The following CDHR5 variants were observed in gnomAD, a reference collection of about 807,000 sequenced individuals.
CDHR5 encodes cadherin related family member 5, also known as cadherin-related family member 5.
A neutral mutation model predicts 69.5 loss-of-function variants in CDHR5; 82 were observed. That is an observed-to-expected ratio of 1.18 (90% CI 0.99 to 1.42). CDHR5 has a LOEUF of 1.42. Ranked by LOEUF, CDHR5 falls within the 40% of genes most tolerant of loss-of-function variation. The pLI is 0.00. For synonymous variants in CDHR5, 601 were observed against 510.2 expected (o/e 1.18, Z -2.40); for missense variants, 1,293 against 1,168.9 (o/e 1.11, Z -1.55).
Position 624,359 on chromosome 11 carries a change from A to G in CDHR5, c.262-96T>C, listed in dbSNP as rs1388418729. ...GCGCTGGCCCAGGGTCCCCATCATC[A>G]GTGGTCAGTGCTGAGGGTGTGGGCC... is the stretch of plus-strand genomic sequence containing the variant. On this transcript the variant is annotated intron_variant, in intron 2 of 14. Transcript: ENST00000397542. The surrounding 1 kb of genome is among the most constrained non-coding windows in gnomAD (Gnocchi z 5.3). 1 of 734,046 alleles carries G rather than the reference A, an allele frequency of 1.4e-6. No homozygotes were observed. The highest frequency in any genetic ancestry group is 2.0e-5 in the Admixed American group (1 of 50,362). 45.5% of individuals were successfully genotyped at this position (734,046 alleles called of 1,614,324 possible). A position where few individuals can be genotyped will look rare whatever the true frequency, so the allele number is the denominator to read the frequency against.
chr11:619,459 TG>T lies in CDHR5; in HGVS notation c.1293+14del. 1 of 1,608,614 alleles carries T rather than the reference TG, an allele frequency of 6.2e-7. No homozygotes were observed. Among genetic ancestry groups the T allele is most frequent in the Non-Finnish European group, 8.5e-7 (1 of 1,175,122 alleles). Reference sequence around the variant, plus strand: ...CCCCACACCCTTGGAGATGCCCGCCTGCCCTGCCCCGCACCTCTGCGTAGAA... The same window carrying T: ...CCCCACACCCTTGGAGATGCCCGCCTCCCTGCCCCGCACCTCTGCGTAGAA... On this transcript the variant is annotated intron_variant, in intron 11 of 14. Transcript: ENST00000397542.
chr11:623,948 A>C (rs958864411), intron 3 of CDHR5, among the ~76,000 whole-genome samples: 7 of 151,834 alleles, frequency 4.6e-5, no homozygotes, highest in Non-Finnish European at 7.4e-5. Context: ...TGGCAGGATA[A>C]AGGTGCCTCC....
At position 617,505 on chromosome 11, in the gene CDHR5, T is replaced by G; in HGVS notation, c.2384A>C (p.Glu795Ala). The G allele has an allele frequency of 6.2e-7, 1 of 1,612,696 alleles. No individual in the cohort carries two copies. Among genetic ancestry groups the G allele is most frequent in the Non-Finnish European group, 8.5e-7 (1 of 1,179,840 alleles). The change falls in exon 15 of 15, where the codon GAG becomes GCG. Residue 795 changes from glutamate (E) to alanine (A), a missense_variant. By Grantham distance (107) the Glu-to-Ala change is moderately radical. Coordinates refer to ENST00000397542, the MANE Select transcript of CDHR5 (RefSeq NM_021924.5). ...EGGYKAVWFG[E>A]DIGTEADVVV... ...CACGTCTGCCTCCGTCCCGATGTCC[T>G]CGCCAAACCAGACAGCCTTGTACCC... is the stretch of plus-strand genomic sequence containing the variant.
At position 624,335 on chromosome 11, in the gene CDHR5, C is replaced by G. The variant is rs751121021; in HGVS notation, c.262-72G>C. 1 of 730,500 alleles carries G rather than the reference C, an allele frequency of 1.4e-6. No homozygotes were observed. The highest frequency in any genetic ancestry group is 1.7e-5 in the African/African-American group (1 of 57,822). The allele number at this position is 730,500 out of a possible 1,614,324, so 45.3% of individuals were successfully genotyped here. A position where few individuals can be genotyped will look rare whatever the true frequency, so the allele number is the denominator to read the frequency against. ...GGGAGACTGAGGCCAAGTGGGCAGG[C>G]GCTGGCCCAGGGTCCCCATCATCAG... On this transcript the variant is annotated intron_variant, in intron 2 of 14. Coordinates refer to ENST00000397542, the MANE Select transcript of CDHR5 (RefSeq NM_021924.5). This position sits in a 1 kb window ranked among gnomAD's most constrained non-coding sequence, Gnocchi z 5.3.
rs1857028792 is a variant in CDHR5 at position 617,658 on chromosome 11, G to A, written c.2231C>T (p.Pro744Leu). 6.6e-6 allele frequency: 10 copies of A among 1,523,354 alleles called. No homozygotes were observed. Among genetic ancestry groups the A allele is most frequent in the African/African-American group, 1.4e-5 (1 of 72,024 alleles). The allele number at this position is 1,523,354 out of a possible 1,614,324, so 94.4% of individuals were successfully genotyped here. ...AGGGCCGGGGGGTGCGGGCTCTGCG[G>A]GCATCGGTGCCTCCGCGGGCTTGGG... ...HDPKPAEAPMPAEPAPPGPAS... is the reference protein window; with the variant it reads ...HDPKPAEAPMLAEPAPPGPAS... The change falls in exon 15 of 15, where the codon CCC becomes CTC. Residue 744 changes from proline to leucine, a missense_variant. Transcript: ENST00000397542.
In CDHR5 at chr11:619,682, G is replaced by A. The variant is rs548971527; in HGVS notation, c.1178C>T (p.Ser393Leu). ...LRIQAQDPEF[S>L]DLNSAITYRI... The stretch of plus-strand genomic sequence containing the variant: ...GGAGGCCTTGGATGCACTCTCTACC[G>A]AGAACTCCGGGTCCTGAGCCTGGAT... Residue 393 changes from serine to leucine, a missense_variant and splice_region_variant, in exon 10 of 15, where the codon TCG becomes TTG. By Grantham distance (145) the Ser-to-Leu change is moderately radical. Transcript: ENST00000397542. 2.1e-5 allele frequency: 34 copies of A among 1,613,252 alleles called. 1 individual carries two copies. The African/African-American group carries it at 2.4e-4, about 11-fold the overall frequency.
rs753840282 is a variant in CDHR5, at chr11:619,837, G to A, written c.1023C>T (p.Thr341=). ...DLARYSVTQV[T]VEAVAAAGSP... ...TCCCGGCCGCAGCCACAGCCTCCAC[G>A]GTGACCTGGGTCACTGAGTAGCGGG... The change falls in exon 10 of 15, where the codon ACC becomes ACT. Residue 341 remains threonine (T), a synonymous_variant. Transcript: ENST00000397542. The A allele has an allele frequency of 1.3e-5, 21 of 1,566,736 alleles. No individual in the cohort carries two copies. The South Asian group carries it at 1.7e-4, about 13-fold the overall frequency.
chr11:619,416 C>G, intron 11 of CDHR5, 26 bp from the exon 12 acceptor site: 3 of 1,608,984 alleles, frequency 1.9e-6, no homozygotes, highest in Non-Finnish European at 2.6e-6. Flanking sequence ...GCTTGTCCCT[C>G]CTAGACACAT....
Position 619,533 on chromosome 11 carries a change from C to T in CDHR5, c.1234G>A (p.Glu412Lys). The part of the protein sequence containing the change: ...RITNHSHFRM[E>K]GEVVLTTTTL... Reference sequence around the variant, plus strand: ...GTGGTGGTCAGCACAACCTCTCCCTCCATCCGGAAGTGTGAGTGGTTGGTA... The same window carrying T: ...GTGGTGGTCAGCACAACCTCTCCCTTCATCCGGAAGTGTGAGTGGTTGGTA... The change falls in exon 11 of 15, where the codon GAG becomes AAG. Residue 412 changes from glutamate (E) to lysine (K), a missense_variant. Transcript: ENST00000397542. 1 of 1,614,042 alleles carries T rather than the reference C, an allele frequency of 6.2e-7. No homozygotes were observed. Among genetic ancestry groups the T allele is most frequent in the Non-Finnish European group, 8.5e-7 (1 of 1,179,972 alleles).
rs373775332 is a variant in CDHR5, at chr11:624,548, C to T, written c.261+9G>A. On this transcript the variant is annotated intron_variant, in intron 2 of 14. Coordinates refer to ENST00000397542, the MANE Select transcript of CDHR5 (RefSeq NM_021924.5). The surrounding 1 kb of genome is among the most constrained non-coding windows in gnomAD (Gnocchi z 5.3). The stretch of plus-strand genomic sequence containing the variant: ...GGACCCCCATATCCCGCCCGCCTGC[C>T]GCCCACACCTCGTAATCAGGAGTCA... The T allele has an allele frequency of 3.7e-5, 59 of 1,604,790 alleles. 1 individual carries two copies. In the Middle Eastern group the frequency reaches 6.6e-4, roughly 18 times the overall value.
intron 3 of CDHR5, among the ~76,000 whole-genome samples, chr11:622,555 G>T (rs1008379699): frequency 2.0e-5 from 3 of 151,866 alleles, no homozygotes; most frequent in African/African-American, 7.3e-5. Context: ...TGCCTCCCAG[G>T]TTCAAGCGAT....
intron 3 of CDHR5, among the ~76,000 whole-genome samples, chr11:622,175 C>T (rs1372915243): frequency 6.6e-6 from 1 of 152,238 alleles, no homozygotes; most frequent in African/African-American, 2.4e-5. Flanking sequence ...GACGGCCATC[C>T]GTCCACTCGC....
In CDHR5 at chr11:620,321, C is replaced by G. The variant is rs543595092; in HGVS notation, c.855G>C (p.Gln285His). The G allele has an allele frequency of 3.7e-5, 60 of 1,612,692 alleles. 1 individual carries two copies. In the South Asian group the frequency reaches 6.2e-4, roughly 17 times the overall value. Residue 285 changes from glutamine (Q) to histidine (H), a missense_variant, in exon 8 of 15, where the codon CAG (glutamine) becomes CAC (histidine). Gln to His is a conservative substitution (Grantham distance 24). Transcript: ENST00000397542. ...YAEDGDRGIN[Q>H]PIIYSIFRGN... ...CCCTAAAGATGCTGTAGATGATGGG[C>G]TGGTTGATGCCGCGGTCTCCGTCCT... is the stretch of plus-strand genomic sequence containing the variant.
In CDHR5 at chr11:619,069, C is replaced by T. The variant is rs574967878; in HGVS notation, c.1490G>A (p.Gly497Glu). The T allele has an allele frequency of 1.2e-6, 2 of 1,612,634 alleles. No individual in the cohort carries two copies. The highest frequency in any genetic ancestry group is 2.2e-5 in the East Asian group (1 of 44,842). Residue 497 changes from glycine (G) to glutamate (E), a missense_variant, in exon 13 of 15, where the codon GGG (glycine) becomes GAG (glutamate). By Grantham distance (98) the Gly-to-Glu change is moderately conservative (BLOSUM62 -2). Transcript: ENST00000397542. The stretch of plus-strand genomic sequence containing the variant: ...GGGTGGATGAGGGCCTGTGCCTCCC[C>T]CAGAGCTGGTCGTGGAGGGTCCCTG... ...PSQGPSTTSS[G>E]GGTGPHPPSG...
Position 618,909 on chromosome 11 carries a change from C to T in CDHR5, c.1650G>A (p.Pro550=), listed in dbSNP as rs770305702. ...TGCTGGTTCCCACACCGGGGGGCAT[C>T]GGCTGAGAGGTTCCTGGCTTTGGGG... The part of the protein sequence containing the change: ...AQTPKPGTSQ[P]MPPGVGTSTS... Residue 550 remains proline (P), a synonymous_variant, in exon 13 of 15, where the codon CCG becomes CCA. Transcript: ENST00000397542. 1.1e-5 allele frequency: 18 copies of T among 1,608,892 alleles called. No individual in the cohort carries two copies. The highest frequency in any genetic ancestry group is 5.5e-5 in the South Asian group (5 of 90,956).
In CDHR5 at chr11:624,547, C is replaced by T. The variant is rs1424722872; in HGVS notation, c.261+10G>A. 1.9e-6 allele frequency: 3 copies of T among 1,604,146 alleles called. No individual in the cohort carries two copies. The African/African-American group carries it at 4.0e-5, about 21-fold the overall frequency. On this transcript the variant is annotated intron_variant, in intron 2 of 14. Coordinates refer to ENST00000397542, the MANE Select transcript of CDHR5 (RefSeq NM_021924.5). This position sits in a 1 kb window ranked among gnomAD's most constrained non-coding sequence, Gnocchi z 5.3. Reference sequence around the variant, plus strand: ...GGGACCCCCATATCCCGCCCGCCTGCCGCCCACACCTCGTAATCAGGAGTC... The same window carrying T: ...GGGACCCCCATATCCCGCCCGCCTGTCGCCCACACCTCGTAATCAGGAGTC...
rs1375018965 is a variant in CDHR5, at chr11:620,298, C to G, written c.878G>C (p.Arg293Thr). 2 of 1,610,856 alleles carry G rather than the reference C, an allele frequency of 1.2e-6. No homozygotes were observed. The highest frequency in any genetic ancestry group is 2.7e-5 in the African/African-American group (2 of 74,900). ...INQPIIYSIF[R>T]GNVNGTFIIH... The stretch of plus-strand genomic sequence containing the variant: ...GTTGAGGGCTGGGCCCCACTCACCC[C>G]TAAAGATGCTGTAGATGATGGGCTG... Residue 293 changes from arginine (R) to threonine (T), a missense_variant and splice_region_variant, in exon 8 of 15, where the codon AGG becomes ACG. By Grantham distance (71) the Arg-to-Thr change is moderately conservative. Transcript: ENST00000397542.
chr11:618,883 G>A lies in CDHR5; in HGVS notation c.1676C>T (p.Thr559Ile). Reference protein sequence around the residue: ...QPMPPGVGTSTSHQPATPSGG... With the variant: ...QPMPPGVGTSISHQPATPSGG... ...ACTGGGTGTGGCTGGTTGGTGGGAG[G>A]TGCTGGTTCCCACACCGGGGGGCAT... Residue 559 changes from threonine (T) to isoleucine (I), a missense_variant, in exon 13 of 15, where the codon ACC becomes ATC. Thr to Ile is a moderately conservative substitution (Grantham distance 89, BLOSUM62 -1). Transcript: ENST00000397542. The A allele has an allele frequency of 6.2e-7, 1 of 1,611,150 alleles. No homozygotes were observed. Among genetic ancestry groups the A allele is most frequent in the Non-Finnish European group, 8.5e-7 (1 of 1,178,948 alleles).
intron 14 of CDHR5, 46 bp from the exon 15 acceptor site, chr11:617,816 A>G (rs1857052860): frequency 1.4e-6 from 2 of 1,459,796 alleles, no homozygotes; most frequent in African/African-American, 2.8e-5. Context: ...GGGTCTCTGC[A>G]GCCTTGGCCC....
Sources: allele counts gnomAD v4.1 joint callset (sites outside exome capture counted in the v4.1 genomes callset), GRCh38; gene constraint gnomAD v4.1.1; non-coding constraint Gnocchi (gnomAD v3.1); transcripts MANE v1.5; gene names NCBI Gene and HGNC (gene_info 2026-07-23, HGNC 2026-07-21).